SLIT3: variants seen among roughly 807,000 people sequenced by gnomAD.
SLIT3 encodes the protein slit guidance ligand 3, also known as slit homolog 3 protein.
Under a neutral mutation model 184.0 loss-of-function variants are expected in SLIT3, and 68 were observed. The observed-to-expected ratio is 0.37, with a 90% CI of 0.30 to 0.45. The LOEUF (loss-of-function observed/expected upper bound fraction) is 0.45, where lower values mean the gene tolerates loss of function less well. Among genes scored for constraint, SLIT3 ranks in the 20% least tolerant of loss-of-function variants. The pLI is 1.00. For missense variants in SLIT3, 1,707 were observed against 2,026.0 expected, an observed-to-expected ratio of 0.84 and a Z score of 3.02; for synonymous variants, 831 against 828.6, an observed-to-expected ratio of 1.00 and a Z score of -0.05.
chr5:169,101,782 A>G (rs1438433489), intron 4 of SLIT3, among the ~76,000 whole-genome samples: 1 of 152,098 alleles, frequency 6.6e-6, no homozygotes, highest in African/African-American at 2.4e-5. Flanking sequence ...GGCTACCCTC[A>G]CCACAGGGCC....
chr5:169,202,389 A>C (rs297855), intron 3 of SLIT3, among the ~76,000 whole-genome samples: 47,697 of 151,970 alleles, frequency 0.31, 8,488 homozygotes, highest in East Asian at 0.69. Flanking sequence ...GTCCTTAAAG[A>C]AACTCTTGAA....
At chr5:168,849,201 T>G (rs957511277) in intron 5 of SLIT3, among the ~76,000 whole-genome samples, 5 of 152,168 alleles carry the variant, frequency 3.3e-5, no homozygotes, top group African/African-American at 1.2e-4. Flanking sequence ...ACATGCAAGG[T>G]CTGCACATCA....
chr5:169,082,771 G>C (rs1302236546), intron 4 of SLIT3, among the ~76,000 whole-genome samples: 1 of 152,226 alleles, frequency 6.6e-6, no homozygotes, highest in African/African-American at 2.4e-5. Context: ...TCTTTTGTAA[G>C]AGCCATTGTT....
intron 4 of SLIT3, among the ~76,000 whole-genome samples, chr5:169,162,702 T>C (rs2113396091): frequency 6.6e-6 from 1 of 152,346 alleles, no homozygotes; most frequent in East Asian, 1.9e-4. Context: ...AGTGGGACTT[T>C]AATGAAGTCA....
At chr5:169,148,809 T>C (rs1460695225) in intron 4 of SLIT3, among the ~76,000 whole-genome samples, 1 of 152,174 alleles carries the variant, frequency 6.6e-6, no homozygotes, top group Admixed American at 6.5e-5. Flanking sequence ...AGCTGACACA[T>C]TTAATTATAT....
intron 1 of SLIT3, among the ~76,000 whole-genome samples, chr5:169,266,519 G>A (rs1248348134): frequency 6.6e-6 from 1 of 152,174 alleles, no homozygotes; most frequent in Non-Finnish European, 1.5e-5. Context: ...GGCATGTAGA[G>A]ATCATGTGTC....
At chr5:169,131,997 A>G (rs576685569) in intron 4 of SLIT3, among the ~76,000 whole-genome samples, 1 of 152,296 alleles carries the variant, frequency 6.6e-6, no homozygotes, top group Non-Finnish European at 1.5e-5. Context: ...GGCAGACAGA[A>G]GGAGCCTGGG....
intron 1 of SLIT3, among the ~76,000 whole-genome samples, chr5:169,297,211 G>A (rs1017814935): frequency 9.2e-5 from 14 of 152,184 alleles, no homozygotes; most frequent in Admixed American, 9.2e-4. Context: ...TCTTGTGGGT[G>A]TCACCTCCTC....
chr5:169,146,881 G>T (rs544005313), intron 4 of SLIT3, among the ~76,000 whole-genome samples: 1 of 152,366 alleles, frequency 6.6e-6, no homozygotes, highest in South Asian at 2.1e-4. Flanking sequence ...CTAGCTGTGT[G>T]AACTTGGACA....
At chr5:169,056,625 G>A (rs1468068333) in intron 4 of SLIT3, among the ~76,000 whole-genome samples, 2 of 151,926 alleles carry the variant, frequency 1.3e-5, no homozygotes, top group African/African-American at 2.4e-5. Context: ...AATGAAGTTC[G>A]TAGTGACTTC....
At chr5:169,132,638 C>A (rs898043348) in intron 4 of SLIT3, among the ~76,000 whole-genome samples, 4 of 152,106 alleles carry the variant, frequency 2.6e-5, no homozygotes, top group African/African-American at 9.7e-5. Flanking sequence ...AAGCAGGAAC[C>A]AGGACTTCTC....
intron 4 of SLIT3, among the ~76,000 whole-genome samples, chr5:168,941,027 C>A (rs1262451745): frequency 6.6e-6 from 1 of 152,176 alleles, no homozygotes; most frequent in Non-Finnish European, 1.5e-5. Context: ...ACAATGAAAA[C>A]CTAGTCAATT....
At chr5:168,794,123 C>T (rs1382135434) in intron 10 of SLIT3, among the ~76,000 whole-genome samples, 1 of 152,172 alleles carries the variant, frequency 6.6e-6, no homozygotes, top group Non-Finnish European at 1.5e-5. Flanking sequence ...AGACACTTAA[C>T]CTCTTTACTG....
chr5:168,816,064 T>G (rs1464824372), intron 8 of SLIT3, among the ~76,000 whole-genome samples: 1 of 152,224 alleles, frequency 6.6e-6, no homozygotes, highest in African/African-American at 2.4e-5. Context: ...GTTTGTTTGT[T>G]TTTTTAGGAA....
chr5:168,833,239 C>T (rs1757935513), intron 6 of SLIT3, among the ~76,000 whole-genome samples: 1 of 152,202 alleles, frequency 6.6e-6, no homozygotes, highest in South Asian at 2.1e-4. Flanking sequence ...CGAAACTGAG[C>T]CACTTCAGAG....
intron 4 of SLIT3, among the ~76,000 whole-genome samples, chr5:169,146,939 AG>A (rs1761945223): frequency 6.6e-6 from 1 of 152,230 alleles, no homozygotes; most frequent in Admixed American, 6.5e-5. Flanking sequence ...TGTAGCATGG[AG>A]ATAGTGATTG....
At chr5:169,107,893 T>C (rs1760275469) in intron 4 of SLIT3, among the ~76,000 whole-genome samples, 1 of 152,248 alleles carries the variant, frequency 6.6e-6, no homozygotes, top group Admixed American at 6.5e-5. Flanking sequence ...GCTTGAGAAC[T>C]CCTTCAGAGA....
intron 4 of SLIT3, among the ~76,000 whole-genome samples, chr5:169,108,728 C>T (rs919257878): frequency 3.3e-5 from 5 of 152,150 alleles, no homozygotes; most frequent in African/African-American, 9.7e-5. Context: ...AGGCCACCTT[C>T]GTAAGAGCCA....
chr5:168,827,062 C>A (rs1363663662), intron 6 of SLIT3, among the ~76,000 whole-genome samples: 2 of 152,160 alleles, frequency 1.3e-5, no homozygotes, highest in African/African-American at 4.8e-5. Context: ...CCATGCCCAG[C>A]CTGTATCGTT....
Sources: allele counts gnomAD v4.1 joint callset (sites outside exome capture counted in the v4.1 genomes callset), GRCh38; gene constraint gnomAD v4.1.1; transcripts MANE v1.5; gene names NCBI Gene and HGNC (gene_info 2026-07-23, HGNC 2026-07-21).